Variants in CNPY4 observed in about 807,000 individuals in gnomAD.
CNPY4 encodes the protein protein canopy homolog 4.
A neutral mutation model predicts 30.1 loss-of-function variants in CNPY4; 33 were observed. The observed-to-expected ratio is 1.10, with a 90% CI of 0.83 to 1.46. The LOEUF (loss-of-function observed/expected upper bound fraction) is 1.46. Ranked by LOEUF, CNPY4 falls within the 40% of genes most tolerant of loss-of-function variation. The probability of loss-of-function intolerance (pLI) is 0.00; values close to 1 mark genes in which losing one functional copy is unlikely to be tolerated. For synonymous variants in CNPY4, 109 were observed against 110.1 expected, an observed-to-expected ratio of 0.99 and a Z score of 0.06; for missense variants, 324 against 302.6, an observed-to-expected ratio of 1.07 and a Z score of -0.52.
chr7:100,124,884 T>C lies in CNPY4; in HGVS notation c.743T>C (p.Leu248Pro). The change falls in exon 6 of 6, where the codon CTT becomes CCT. Residue 248 changes from leucine to proline, a missense_variant. Leu to Pro is a moderately conservative substitution (Grantham distance 98). Transcript: ENST00000262932. ...CACCCCAAACTTGACCGAGAAGATC[T>C]TTGACCCTTGCCTTTGAGCCCCCAG... The part of the protein sequence containing the change: ...GSHPKLDRED[L>P] 2 of 1,589,540 alleles carry C rather than the reference T, an allele frequency of 1.3e-6. No homozygotes were observed. Among genetic ancestry groups the C allele is most frequent in the Non-Finnish European group, 8.6e-7 (1 of 1,168,158 alleles).
At position 100,124,504 on chromosome 7, in the gene CNPY4, A is replaced by G; in HGVS notation, c.466-10A>G. ...GAGCAGATACTCTTCTGGCCCTTCT[A>G]CTTGACCAGTGTGAGACCATGTTGG... On this transcript the variant is annotated splice_polypyrimidine_tract_variant and intron_variant, in intron 4 of 5. Transcript: ENST00000262932. The G allele has an allele frequency of 1.3e-6, 2 of 1,598,458 alleles. No homozygotes were observed. The highest frequency in any genetic ancestry group is 1.7e-6 in the Non-Finnish European group (2 of 1,167,242).
chr7:100,124,013 T>C (rs1395399733), intron 4 of CNPY4, among the ~76,000 whole-genome samples: 1 of 151,898 alleles, frequency 6.6e-6, no homozygotes, highest in Non-Finnish European at 1.5e-5. Flanking sequence ...GGCATGCATC[T>C]GTAGTCCCAG....
chr7:100,121,110 A>ATTTTTTTTTTT (rs1798036782), intron 1 of CNPY4: 8 of 28,392 alleles, frequency 2.8e-4, no homozygotes, highest in East Asian at 7.1e-4. Context: ...ATATATATAT[A>ATTTTTTTTTTT]TATATATTTT....
Position 100,122,402 on chromosome 7 carries a change from C to G in CNPY4, c.245+17C>G, listed in dbSNP as rs780105615. On this transcript the variant is annotated intron_variant, in intron 2 of 5. Transcript: ENST00000262932. ...CAGCGTTTCGTGAGTCCTTCGTGCT[C>G]CTCCCCTTTCCAACCCCCAACGGAG... is the stretch of plus-strand genomic sequence containing the variant. The G allele has an allele frequency of 4.3e-6, 7 of 1,614,050 alleles. No homozygotes were observed. In the South Asian group the frequency reaches 5.5e-5, roughly 13 times the overall value.
intron 1 of CNPY4, among the ~76,000 whole-genome samples, chr7:100,121,777 G>A (rs1460599849): frequency 1.3e-4 from 20 of 151,624 alleles, no homozygotes; most frequent in African/African-American, 3.1e-4. Context: ...CCGGCCGGGC[G>A]TGGTGGCTCA....
rs576563048 is a variant in CNPY4, at chr7:100,122,377, C to G, written c.237C>G (p.Tyr79Ter). Residue 79 changes from tyrosine (Y) to a stop codon, truncating the protein, a stop_gained, in exon 2 of 6, where the codon TAC (tyrosine) becomes TAG (stop). Coordinates refer to ENST00000262932, the MANE Select transcript of CNPY4 (RefSeq NM_152755.2). LOFTEE classifies it high-confidence loss of function. ...DTGKRKRHVP[Y>*]SVSETRLEEA... is the part of the protein sequence containing the mutation. ...GCAAGAGGAAGAGACACGTGCCTTA[C>G]AGCGTTTCGTGAGTCCTTCGTGCTC... is the stretch of plus-strand genomic sequence containing the variant. 15 of 1,614,150 alleles carry G rather than the reference C, an allele frequency of 9.3e-6. No homozygotes were observed. The highest frequency in any genetic ancestry group is 8.8e-5 in the South Asian group (8 of 91,080).
At chr7:100,121,995 A>T in intron 1 of CNPY4, 1 of 347,538 alleles carries the variant, frequency 2.9e-6, no homozygotes, top group South Asian at 2.6e-5. Flanking sequence ...GCTGGCAGTG[A>T]GCCGAGACTG....
In CNPY4 at chr7:100,124,605, G is replaced by T; in HGVS notation, c.557G>T (p.Gly186Val). The T allele has an allele frequency of 6.2e-7, 1 of 1,613,322 alleles. No homozygotes were observed. Among genetic ancestry groups the T allele is most frequent in the Non-Finnish European group, 8.5e-7 (1 of 1,179,840 alleles). Residue 186 changes from glycine (G) to valine (V), a missense_variant, in exon 5 of 6, where the codon GGT (glycine) becomes GTT (valine). Gly to Val is a moderately radical substitution (Grantham distance 109). Coordinates refer to ENST00000262932, the MANE Select transcript of CNPY4 (RefSeq NM_152755.2). ...EQPLQNFLCEGHVLPAAETAC... is the reference protein window; with the variant it reads ...EQPLQNFLCEVHVLPAAETAC... ...CCCCTACAAAATTTTCTCTGTGAAG[G>T]TCATGTGCTCCCAGCTGCTGAAACT...
chr7:100,125,050 G>A lies in CNPY4; in HGVS notation c.*162G>A. The A allele has an allele frequency of 2.6e-6, 2 of 770,222 alleles. No individual in the cohort carries two copies. Among genetic ancestry groups the A allele is most frequent in the Non-Finnish European group, 2.0e-6 (1 of 491,462 alleles). 47.7% of individuals were successfully genotyped at this position (770,222 alleles called of 1,614,324 possible). ...CCTCAGGCAAGATCCTGGTGAAACA[G>A]CATGACATGGCTTCTGGGGTGGAGG... On this transcript the variant is annotated 3_prime_UTR_variant, in exon 6 of 6. Transcript: ENST00000262932.
intron 1 of CNPY4, chr7:100,121,117 T>TATATATATATATATATATATATA (rs1491228284): frequency 2.0e-4 from 7 of 35,152 alleles, no homozygotes; most frequent in South Asian, 1.3e-3. Flanking sequence ...TATATATATA[T>TATATATATATATATATATATATA]TTTTTTTTTT....
chr7:100,119,724 G>T lies in CNPY4; in HGVS notation c.-21G>T, dbSNP rs377541495. ...CCGAAGTTGAAGGCAAGCGGTGATT[G>T]TTTGTAGACGGCGCTTTGTCATGGG... On this transcript the variant is annotated 5_prime_UTR_variant, in exon 1 of 6. Coordinates refer to ENST00000262932, the MANE Select transcript of CNPY4 (RefSeq NM_152755.2). 5.0e-6 allele frequency: 8 copies of T among 1,614,012 alleles called. No individual in the cohort carries two copies. The highest frequency in any genetic ancestry group is 1.6e-4 in the Middle Eastern group (1 of 6,062).
rs767704764 is a variant in CNPY4, at chr7:100,119,695, C to T, written c.-50C>T. Reference sequence around the variant, plus strand: ...TGGGAATTTAAGGGACCCACACTACCTTCCCGAAGTTGAAGGCAAGCGGTG... The same window carrying T: ...TGGGAATTTAAGGGACCCACACTACTTTCCCGAAGTTGAAGGCAAGCGGTG... On this transcript the variant is annotated 5_prime_UTR_variant, in exon 1 of 6. Transcript: ENST00000262932. 4.3e-6 allele frequency: 7 copies of T among 1,613,906 alleles called. No individual in the cohort carries two copies. The highest frequency in any genetic ancestry group is 4.5e-5 in the East Asian group (2 of 44,840).
intron 1 of CNPY4, among the ~76,000 whole-genome samples, chr7:100,121,875 C>T (rs1252171829): frequency 7.4e-6 from 1 of 135,772 alleles, no homozygotes; most frequent in African/African-American, 2.7e-5. Context: ...ACGGTGAAAC[C>T]CTGTCTCTAC....
rs753376538 is a variant in CNPY4, at chr7:100,122,386, G to C, written c.245+1G>C. The C allele has an allele frequency of 4.2e-5, 67 of 1,613,976 alleles. No individual in the cohort carries two copies. The highest frequency in any genetic ancestry group is 8.9e-5 in the East Asian group (4 of 44,878). ...AGAGACACGTGCCTTACAGCGTTTC[G>C]TGAGTCCTTCGTGCTCCTCCCCTTT... is the stretch of plus-strand genomic sequence containing the variant. On this transcript the variant is annotated splice_donor_variant, in intron 2 of 5. Coordinates refer to ENST00000262932, the MANE Select transcript of CNPY4 (RefSeq NM_152755.2). LOFTEE classifies it high-confidence loss of function.
chr7:100,122,681 C>G, intron 3 of CNPY4, 103 bp from the exon 4 acceptor site: 3 of 1,522,982 alleles, frequency 2.0e-6, no homozygotes, highest in Non-Finnish European at 1.8e-6. Context: ...CATCATGGAA[C>G]TCACCCTTGA....
rs2116906044 is a variant in CNPY4 at position 100,125,048 on chromosome 7, C to T, written c.*160C>T. ...AACCTCAGGCAAGATCCTGGTGAAA[C>T]AGCATGACATGGCTTCTGGGGTGGA... On this transcript the variant is annotated 3_prime_UTR_variant, in exon 6 of 6. Transcript: ENST00000262932. The T allele has an allele frequency of 1.2e-6, 1 of 805,202 alleles. No individual in the cohort carries two copies. The highest frequency in any genetic ancestry group is 2.7e-5 in the East Asian group (1 of 37,696). The allele number at this position is 805,202 out of a possible 1,614,324, so 49.9% of individuals were successfully genotyped here.
chr7:100,123,626 T>C (rs1438147143), intron 4 of CNPY4, among the ~76,000 whole-genome samples: 1 of 152,046 alleles, frequency 6.6e-6, no homozygotes, highest in East Asian at 2.0e-4. Flanking sequence ...GTTCAAGCCA[T>C]TCTCCTGCTT....
rs1216699182 is a variant in CNPY4, at chr7:100,124,936, C to T, written c.*48C>T. 2.6e-6 allele frequency: 4 copies of T among 1,534,666 alleles called. No individual in the cohort carries two copies. In the South Asian group the frequency reaches 5.2e-5, roughly 20 times the overall value. On this transcript the variant is annotated 3_prime_UTR_variant, in exon 6 of 6. Transcript: ENST00000262932. ...AGGGGAAGGGATCATGGAGAGCCCTCTAAAGCCTGCACTCTCCCTGCTCCA... is the reference window on the plus strand; with the variant it reads ...AGGGGAAGGGATCATGGAGAGCCCTTTAAAGCCTGCACTCTCCCTGCTCCA...
In CNPY4 at chr7:100,122,338, G is replaced by A. The variant is rs375260951; in HGVS notation, c.198G>A (p.Gln66=). Residue 66 remains glutamine (Q), a synonymous_variant, in exon 2 of 6, where the codon CAG becomes CAA. Transcript: ENST00000262932. ...GRSREVLELG[Q]VLDTGKRKRH... Reference sequence around the variant, plus strand: ...CTCGAGAGGTGCTGGAGCTGGGGCAGGTGCTGGATACAGGCAAGAGGAAGA... The same window carrying A: ...CTCGAGAGGTGCTGGAGCTGGGGCAAGTGCTGGATACAGGCAAGAGGAAGA... 6.2e-7 allele frequency: 1 copy of A among 1,614,182 alleles called. No homozygotes were observed. The highest frequency in any genetic ancestry group is 8.5e-7 in the Non-Finnish European group (1 of 1,180,040).
Sources: allele counts gnomAD v4.1 joint callset (sites outside exome capture counted in the v4.1 genomes callset), GRCh38; gene constraint gnomAD v4.1.1; transcripts MANE v1.5; gene names NCBI Gene and HGNC (gene_info 2026-07-23, HGNC 2026-07-21).